KCNIP4: variants seen among roughly 807,000 people sequenced by gnomAD.
KCNIP4 encodes Kv channel-interacting protein 4.
KCNIP4 carries 12 observed loss-of-function variants against 34.0 expected under a neutral mutation model. The ratio of observed to expected loss-of-function variants is 0.35; its 90% CI spans 0.23 to 0.57. The LOEUF (loss-of-function observed/expected upper bound fraction) is 0.57, where lower values mean the gene tolerates loss of function less well. Ranked by LOEUF, KCNIP4 falls within the 20% of genes least tolerant of loss-of-function variation. KCNIP4 has a pLI of 0.83. For synonymous variants in KCNIP4, 124 were observed against 102.2 expected (o/e 1.21, Z -1.29); for missense variants, 238 against 311.7 (o/e 0.76, Z 1.78).
intron 3 of KCNIP4, among the ~76,000 whole-genome samples, chr4:20,834,300 T>C (rs1486365826): frequency 6.6e-6 from 1 of 152,184 alleles, no homozygotes; most frequent in Non-Finnish European, 1.5e-5. Context: ...TACATTTACT[T>C]GTTCAGGTGT....
At chr4:21,480,092 G>C (rs1577432785) in intron 1 of KCNIP4, among the ~76,000 whole-genome samples, 1 of 151,462 alleles carries the variant, frequency 6.6e-6, no homozygotes, top group East Asian at 1.9e-4. Context: ...CATTGACTAA[G>C]AAGTTTAGAA....
Position 21,735,229 on chromosome 4 carries a change from A to G in KCNIP4, c.61+213342T>C, listed in dbSNP as rs1221147167. ...CAGAGAAAAAGAAGACACTCATGGTATGCTAGAGCCGGCTTCTAATTGGCT... is the reference window on the plus strand; with the variant it reads ...CAGAGAAAAAGAAGACACTCATGGTGTGCTAGAGCCGGCTTCTAATTGGCT... On this transcript the variant is annotated intron_variant, in intron 1 of 8. Transcript: ENST00000382152. 2.6e-5 allele frequency among the ~76,000 whole-genome samples: 4 copies of G among 152,102 alleles called. No homozygotes were observed. In the East Asian group the frequency reaches 7.7e-4, roughly 29 times the overall value.
chr4:21,245,230 C>T (rs1760113711), intron 1 of KCNIP4, among the ~76,000 whole-genome samples: 1 of 152,182 alleles, frequency 6.6e-6, no homozygotes, highest in African/African-American at 2.4e-5. Context: ...ATTTTCTTGC[C>T]TTTCACCAGG....
chr4:21,905,870 T>A (rs947902449), intron 1 of KCNIP4, among the ~76,000 whole-genome samples: 1 of 152,062 alleles, frequency 6.6e-6, no homozygotes, highest in Non-Finnish European at 1.5e-5. Flanking sequence ...TGCATCAGAC[T>A]CACCCCATGG....
intron 1 of KCNIP4, among the ~76,000 whole-genome samples, chr4:21,400,512 CCTCTT>C (rs151019011): frequency 0.035 from 3,660 of 105,000 alleles, 113 homozygotes; most frequent in East Asian, 0.12. Context: ...CCCCTCCCTT[CCTCTT>C]CTCTTCTCTT....
Position 20,964,033 on chromosome 4 carries a change from T to C in KCNIP4, c.62-81324A>G, listed in dbSNP as rs111494596. On this transcript the variant is annotated intron_variant, in intron 1 of 8. Transcript: ENST00000382152. Reference sequence around the variant, plus strand: ...ACTTATTATACTCTAAGTATAAAAATTGCTGAATATCAATGATTATACACT... The same window carrying C: ...ACTTATTATACTCTAAGTATAAAAACTGCTGAATATCAATGATTATACACT... Among the ~76,000 whole-genome samples the C allele has an allele frequency of 3.2e-3, 486 of 152,288 alleles. 2 individuals are homozygous for C. The highest frequency in any genetic ancestry group is 0.011 in the African/African-American group (462 of 41,560).
intron 1 of KCNIP4, among the ~76,000 whole-genome samples, chr4:21,145,247 G>C (rs1259175043): frequency 6.6e-6 from 1 of 152,118 alleles, no homozygotes; most frequent in Non-Finnish European, 1.5e-5. Flanking sequence ...TAGAAACTTA[G>C]AGTCTCTACT....
chr4:21,931,939 T>G (rs1729592433), intron 1 of KCNIP4, among the ~76,000 whole-genome samples: 4 of 152,082 alleles, frequency 2.6e-5, no homozygotes, highest in Non-Finnish European at 5.9e-5. Context: ...CTCCTTGTCT[T>G]TAGATGCCTG....
chr4:21,767,263 C>T (rs909048562), intron 1 of KCNIP4, among the ~76,000 whole-genome samples: 1 of 152,040 alleles, frequency 6.6e-6, no homozygotes, highest in African/African-American at 2.4e-5. Flanking sequence ...GCTTGAAATG[C>T]CTTGTTGAGA....
chr4:21,583,041 G>C (rs1389172314), intron 1 of KCNIP4, among the ~76,000 whole-genome samples: 1 of 151,900 alleles, frequency 6.6e-6, no homozygotes, highest in Non-Finnish European at 1.5e-5. Context: ...AGTGGTAAGA[G>C]AGAACTCAAA....
At chr4:21,106,206 G>T (rs931106907) in intron 1 of KCNIP4, among the ~76,000 whole-genome samples, 1 of 144,462 alleles carries the variant, frequency 6.9e-6, no homozygotes, top group Non-Finnish European at 1.5e-5. Flanking sequence ...GTAGAATTCG[G>T]CTGTGAATCC....
chr4:20,772,574 GT>G, intron 3 of KCNIP4, among the ~76,000 whole-genome samples: 2 of 152,172 alleles, frequency 1.3e-5, no homozygotes, highest in Admixed American at 1.3e-4. Context: ...TTCAGGACAG[GT>G]CAGATTCAGC....
intron 1 of KCNIP4, among the ~76,000 whole-genome samples, chr4:21,288,843 T>A (rs1763272847): frequency 6.6e-6 from 1 of 152,352 alleles, no homozygotes; most frequent in Middle Eastern, 3.4e-3. Flanking sequence ...TTTCTGTTCC[T>A]GCATTAGTTT....
At chr4:21,102,894 T>C (rs1410272354) in intron 1 of KCNIP4, among the ~76,000 whole-genome samples, 1 of 152,176 alleles carries the variant, frequency 6.6e-6, no homozygotes, top group Non-Finnish European at 1.5e-5. Context: ...GTTTCCTTTC[T>C]GGGGTATACT....
At chr4:21,251,287 T>C (rs530805510) in intron 1 of KCNIP4, among the ~76,000 whole-genome samples, 1 of 152,196 alleles carries the variant, frequency 6.6e-6, no homozygotes, top group East Asian at 1.9e-4. Context: ...AGAGGAGATC[T>C]TTATTTTCAT....
intron 1 of KCNIP4, among the ~76,000 whole-genome samples, chr4:21,364,124 T>C (rs1719491447): frequency 6.6e-6 from 1 of 152,208 alleles, no homozygotes. Flanking sequence ...ACTTAATTTC[T>C]GTAACATTAG....
intron 1 of KCNIP4, among the ~76,000 whole-genome samples, chr4:21,628,063 G>C (rs1031336126): frequency 1.3e-5 from 2 of 151,928 alleles, no homozygotes; most frequent in African/African-American, 4.8e-5. Flanking sequence ...GCTATATATT[G>C]GTTTATTATA....
At chr4:21,436,946 A>C (rs1458584380) in intron 1 of KCNIP4, among the ~76,000 whole-genome samples, 1 of 152,220 alleles carries the variant, frequency 6.6e-6, no homozygotes, top group East Asian at 1.9e-4. Context: ...TTACAAACCA[A>C]CAAGTCCATA....
intron 1 of KCNIP4, among the ~76,000 whole-genome samples, chr4:20,955,551 G>A (rs1733212453): frequency 6.6e-6 from 1 of 151,986 alleles, no homozygotes; most frequent in Non-Finnish European, 1.5e-5. Flanking sequence ...CTTCTATCTT[G>A]AGCACTCTTT....
Sources: gnomAD v4.1 joint callset for allele counts (sites outside exome capture counted in the v4.1 genomes callset) on GRCh38, gnomAD v4.1.1 for gene constraint, MANE v1.5 for transcripts, NCBI Gene and HGNC (gene_info 2026-07-23, HGNC 2026-07-21) for gene names.